MAPK8: variants seen among roughly 807,000 people sequenced by gnomAD.
MAPK8 encodes JUN N-terminal kinase.
MAPK8 carries 13 observed loss-of-function variants against 52.9 expected under a neutral mutation model. That is an observed-to-expected ratio of 0.25 (90% confidence interval 0.16 to 0.39). The LOEUF is 0.39. Ranked by LOEUF, MAPK8 falls within the 10% of genes least tolerant of loss-of-function variation. The pLI is 1.00. For synonymous variants in MAPK8, 191 were observed against 169.8 expected (o/e 1.12, Z -0.97); for missense variants, 300 against 519.2 (o/e 0.58, Z 4.10).
chr10:48,332,910 C>T (rs915402426), intron 1 of MAPK8, among the ~76,000 whole-genome samples: 4 of 152,150 alleles, frequency 2.6e-5, no homozygotes, highest in Admixed American at 2.6e-4. Flanking sequence ...AGCTTTAGGG[C>T]CTGGTTAAGA....
chr10:48,381,920 C>T (rs1359213321), intron 1 of MAPK8, among the ~76,000 whole-genome samples: 1 of 152,104 alleles, frequency 6.6e-6, no homozygotes, highest in African/African-American at 2.4e-5. Flanking sequence ...CACGTGGCAC[C>T]CAAGTATGAT....
intron 11 of MAPK8, among the ~76,000 whole-genome samples, chr10:48,432,446 A>G (rs1412735094): frequency 8.2e-6 from 1 of 121,794 alleles, no homozygotes; most frequent in East Asian, 2.4e-4. Context: ...TGTTGAATAT[A>G]TGAATTGGTT....
intron 5 of MAPK8, among the ~76,000 whole-genome samples, chr10:48,412,137 C>T (rs1466355419): frequency 6.6e-6 from 1 of 152,210 alleles, no homozygotes; most frequent in Non-Finnish European, 1.5e-5. Flanking sequence ...TGAACCACCC[C>T]ACCTGGCCTC....
chr10:48,364,725 A>G (rs1293445073), intron 1 of MAPK8, among the ~76,000 whole-genome samples: 1 of 152,192 alleles, frequency 6.6e-6, no homozygotes, highest in Non-Finnish European at 1.5e-5. Flanking sequence ...AAGAGAAAAT[A>G]ATTATTTTCT....
chr10:48,406,385 C>G (rs987198398), intron 3 of MAPK8, among the ~76,000 whole-genome samples: 2 of 152,060 alleles, frequency 1.3e-5, no homozygotes, highest in African/African-American at 4.8e-5. Flanking sequence ...CTTAGTTTTT[C>G]CTTGGGGAGG....
intron 1 of MAPK8, among the ~76,000 whole-genome samples, chr10:48,369,275 G>A (rs1848340401): frequency 6.6e-6 from 1 of 152,156 alleles, no homozygotes; most frequent in African/African-American, 2.4e-5. Context: ...GAACTGATCT[G>A]TGGTAGATTA....
intron 1 of MAPK8, among the ~76,000 whole-genome samples, chr10:48,397,337 A>G (rs1216863847): frequency 6.6e-6 from 1 of 150,804 alleles, no homozygotes; most frequent in Non-Finnish European, 1.5e-5. Context: ...TTCATTTTTT[A>G]TAGAGATGGG....
intron 1 of MAPK8, among the ~76,000 whole-genome samples, chr10:48,341,556 G>A (rs1441796058): frequency 1.3e-5 from 2 of 152,160 alleles, no homozygotes; most frequent in Non-Finnish European, 2.9e-5. Context: ...AGATACTCAA[G>A]CTATAGTAGA....
chr10:48,366,195 GA>G (rs1000376293), intron 1 of MAPK8, among the ~76,000 whole-genome samples: 2 of 150,726 alleles, frequency 1.3e-5, no homozygotes, highest in Admixed American at 6.6e-5. Flanking sequence ...TTTCCTATGG[GA>G]AAAAAAATAA....
chr10:48,367,093 A>G (rs1280380430), intron 1 of MAPK8, among the ~76,000 whole-genome samples: 1 of 152,138 alleles, frequency 6.6e-6, no homozygotes, highest in Non-Finnish European at 1.5e-5. Flanking sequence ...TTTAGTTAAT[A>G]GAAGTTTCAG....
At chr10:48,351,528 G>A (rs1846325704) in intron 1 of MAPK8, among the ~76,000 whole-genome samples, 1 of 151,676 alleles carries the variant, frequency 6.6e-6, no homozygotes, top group Admixed American at 6.6e-5. Context: ...AATTTTAAAG[G>A]AGTCATCAAG....
intron 1 of MAPK8, among the ~76,000 whole-genome samples, chr10:48,350,465 G>T (rs1274272760): frequency 6.6e-6 from 1 of 152,158 alleles, no homozygotes; most frequent in Non-Finnish European, 1.5e-5. Flanking sequence ...TGTTTCAACA[G>T]ATGCAAATCA....
intron 5 of MAPK8, among the ~76,000 whole-genome samples, chr10:48,413,569 C>T (rs931764760): frequency 6.6e-6 from 1 of 151,738 alleles, no homozygotes; most frequent in African/African-American, 2.4e-5. Context: ...TTCCAGAATT[C>T]TGAAAAAGTT....
At chr10:48,354,768 C>T (rs972699804) in intron 1 of MAPK8, among the ~76,000 whole-genome samples, 1 of 151,326 alleles carries the variant, frequency 6.6e-6, no homozygotes, top group Admixed American at 6.6e-5. Flanking sequence ...ATTTGCAGTG[C>T]GAATTTAACG....
At chr10:48,413,328 A>G (rs575813162) in intron 5 of MAPK8, among the ~76,000 whole-genome samples, 32 of 152,286 alleles carry the variant, frequency 2.1e-4, no homozygotes, top group African/African-American at 5.8e-4. Flanking sequence ...GCCGGATCAC[A>G]TGGTCATTCT....
chr10:48,404,206 G>C (rs2042330632), intron 2 of MAPK8, among the ~76,000 whole-genome samples: 2 of 151,196 alleles, frequency 1.3e-5, no homozygotes, highest in African/African-American at 4.9e-5. Flanking sequence ...TACCAGGCTG[G>C]AGTGCGGTGG....
At chr10:48,399,707 G>A (rs11101312) in intron 1 of MAPK8, among the ~76,000 whole-genome samples, 13,260 of 152,146 alleles carry the variant, frequency 0.087, 813 homozygotes, top group Non-Finnish European at 0.13. Flanking sequence ...ACCTGCTTTG[G>A]TAACAATATA....
chr10:48,367,575 A>G (rs1394968590), intron 1 of MAPK8, among the ~76,000 whole-genome samples: 1 of 152,078 alleles, frequency 6.6e-6, no homozygotes, highest in Non-Finnish European at 1.5e-5. Context: ...CATAAGTAAC[A>G]TTATTATGAA....
intron 1 of MAPK8, among the ~76,000 whole-genome samples, chr10:48,323,394 A>G (rs1180657133): frequency 2.0e-5 from 3 of 152,204 alleles, no homozygotes; most frequent in East Asian, 1.9e-4. Flanking sequence ...GAGAAACCCT[A>G]GGATACTGAG....
Sources: allele counts gnomAD v4.1 joint callset (sites outside exome capture counted in the v4.1 genomes callset), GRCh38; gene constraint gnomAD v4.1.1; transcripts MANE v1.5; gene names NCBI Gene and HGNC (gene_info 2026-07-23, HGNC 2026-07-21).